Variants in ADGRL3 observed in about 807,000 individuals in gnomAD.
ADGRL3 encodes adhesion G protein-coupled receptor L3.
In ADGRL3, 62 loss-of-function variants were observed where a neutral mutation model predicts 153.5. The observed-to-expected ratio is 0.40, with a 90% CI of 0.33 to 0.50. The LOEUF (loss-of-function observed/expected upper bound fraction) is 0.50, where lower values mean the gene tolerates loss of function less well. Ranked by LOEUF, ADGRL3 falls within the 20% of genes least tolerant of loss-of-function variation. The probability of loss-of-function intolerance (pLI) is 0.47; values close to 1 mark genes in which losing one functional copy is unlikely to be tolerated. For synonymous variants in ADGRL3, 710 were observed against 672.5 expected (o/e 1.06, Z -0.86); for missense variants, 1,641 against 1,859.4 (o/e 0.88, Z 2.16).
chr4:61,936,705 A>C (rs1404424193), intron 15 of ADGRL3, among the ~76,000 whole-genome samples: 1 of 151,704 alleles, frequency 6.6e-6, no homozygotes, highest in African/African-American at 2.4e-5. Flanking sequence ...GTGTATATAT[A>C]TATAAATATG....
chr4:61,807,453 T>C (rs2097564621), intron 8 of ADGRL3, among the ~76,000 whole-genome samples: 1 of 152,148 alleles, frequency 6.6e-6, no homozygotes, highest in Non-Finnish European at 1.5e-5. Context: ...CCACCAAGTC[T>C]ATTTTTCACG....
At chr4:61,381,345 A>C (rs1019531036) in intron 1 of ADGRL3, among the ~76,000 whole-genome samples, 1 of 140,810 alleles carries the variant, frequency 7.1e-6, no homozygotes, top group African/African-American at 2.8e-5. Flanking sequence ...TTAATTAAGA[A>C]ATGGAAATGA....
intron 1 of ADGRL3, among the ~76,000 whole-genome samples, chr4:61,213,556 C>G (rs558359184): frequency 6.6e-6 from 1 of 152,124 alleles, no homozygotes; most frequent in Non-Finnish European, 1.5e-5. Flanking sequence ...ACATAACATA[C>G]TGGCATACCA....
intron 4 of ADGRL3, among the ~76,000 whole-genome samples, chr4:61,566,607 T>A (rs951254955): frequency 1.3e-5 from 2 of 152,120 alleles, no homozygotes; most frequent in Admixed American, 6.6e-5. Context: ...ACTAACAAAA[T>A]TAATTTTGGC....
At chr4:61,391,799 C>T (rs561305400) in intron 2 of ADGRL3, among the ~76,000 whole-genome samples, 1 of 150,396 alleles carries the variant, frequency 6.6e-6, no homozygotes, top group South Asian at 2.1e-4. Flanking sequence ...ATGGCAAGAC[C>T]TGCTTTTATT....
intron 5 of ADGRL3, among the ~76,000 whole-genome samples, chr4:61,623,589 T>C (rs995186942): frequency 6.6e-6 from 1 of 152,146 alleles, no homozygotes; most frequent in African/African-American, 2.4e-5. Context: ...TGATTCAGTC[T>C]CTCCCATCCT....
At chr4:61,260,308 G>A (rs986560622) in intron 1 of ADGRL3, among the ~76,000 whole-genome samples, 2 of 152,142 alleles carry the variant, frequency 1.3e-5, no homozygotes, top group African/African-American at 2.4e-5. Context: ...ACCAAGTGCT[G>A]TTGACATGAA....
chr4:61,966,714 A>G (rs1318459828), intron 17 of ADGRL3, among the ~76,000 whole-genome samples: 1 of 152,114 alleles, frequency 6.6e-6, no homozygotes, highest in African/African-American at 2.4e-5. Flanking sequence ...GGGTTTAATC[A>G]TTGTATTCAA....
At chr4:61,416,958 A>G (rs563914481) in intron 2 of ADGRL3, among the ~76,000 whole-genome samples, 29 of 152,282 alleles carry the variant, frequency 1.9e-4, no homozygotes, top group African/African-American at 6.5e-4. Context: ...GATGGGAGAT[A>G]GTGACAGATC....
intron 6 of ADGRL3, among the ~76,000 whole-genome samples, chr4:61,725,017 A>T (rs951906194): frequency 1.3e-5 from 2 of 152,156 alleles, no homozygotes; most frequent in African/African-American, 4.8e-5. Context: ...TCAAGGGGTG[A>T]TAGCACTGAA....
chr4:61,761,494 A>T (rs111583547), intron 8 of ADGRL3, among the ~76,000 whole-genome samples: 73 of 152,226 alleles, frequency 4.8e-4, no homozygotes, highest in Non-Finnish European at 1.0e-3. Context: ...AAAGCATATG[A>T]TCTTATTATT....
intron 23 of ADGRL3, among the ~76,000 whole-genome samples, chr4:62,034,340 C>G (rs1007002457): frequency 2.0e-5 from 3 of 151,682 alleles, no homozygotes; most frequent in Admixed American, 2.0e-4. Flanking sequence ...CTATCTGGAC[C>G]TTATAGAAAA....
chr4:61,466,561 G>T (rs2097886780), intron 2 of ADGRL3, among the ~76,000 whole-genome samples: 1 of 152,134 alleles, frequency 6.6e-6, no homozygotes, highest in Non-Finnish European at 1.5e-5. Context: ...CCAAAGAGTG[G>T]ACCTGGTACT....
At chr4:61,930,048 C>T (rs1049875745) in intron 13 of ADGRL3, among the ~76,000 whole-genome samples, 14 of 151,772 alleles carry the variant, frequency 9.2e-5, no homozygotes, top group Non-Finnish European at 8.8e-5. Flanking sequence ...TGGTGACGGG[C>T]GCCTGTAGTC....
intron 1 of ADGRL3, among the ~76,000 whole-genome samples, chr4:61,368,520 T>C (rs1388029881): frequency 1.3e-5 from 2 of 152,122 alleles, no homozygotes; most frequent in African/African-American, 4.8e-5. Context: ...CTCAGGTTTG[T>C]CAAAGATCAG....
intron 2 of ADGRL3, among the ~76,000 whole-genome samples, chr4:61,476,721 A>C (rs1425586684): frequency 1.1e-4 from 17 of 148,086 alleles, no homozygotes; most frequent in South Asian, 2.1e-4. Context: ...AAAAAAAAAA[A>C]AAAAAAAAAA....
At chr4:61,953,035 A>G (rs2098953347) in intron 17 of ADGRL3, among the ~76,000 whole-genome samples, 1 of 152,196 alleles carries the variant, frequency 6.6e-6, no homozygotes, top group South Asian at 2.1e-4. Context: ...TTGATCTTAC[A>G]ACATGATTTT....
intron 8 of ADGRL3, among the ~76,000 whole-genome samples, chr4:61,777,304 G>T (rs1311467710): frequency 6.6e-6 from 1 of 151,844 alleles, no homozygotes; most frequent in Non-Finnish European, 1.5e-5. Context: ...CTGCACTCCA[G>T]CCTGGGCCAT....
intron 3 of ADGRL3, among the ~76,000 whole-genome samples, chr4:61,500,027 A>AAAAGAGAGAGAGAG (rs2098368222): frequency 1.5e-5 from 1 of 65,498 alleles, no homozygotes; most frequent in Non-Finnish European, 3.2e-5. Flanking sequence ...CACACACAGA[A>AAAAGAGAGAGAGAG]ACAGAGAGAG....
Sources: gnomAD v4.1 joint callset for allele counts (sites outside exome capture counted in the v4.1 genomes callset) on GRCh38, gnomAD v4.1.1 for gene constraint, MANE v1.5 for transcripts, NCBI Gene and HGNC (gene_info 2026-07-23, HGNC 2026-07-21) for gene names.